Variants in PLCXD3 observed in about 807,000 individuals in gnomAD.
The protein encoded by PLCXD3 is PI-PLC X domain-containing protein 3.
Under a neutral mutation model 25.5 loss-of-function variants are expected in PLCXD3, and 19 were observed. The observed-to-expected ratio is 0.75, with a 90% CI of 0.52 to 1.09. The LOEUF is 1.09. Among genes scored for constraint, PLCXD3 ranks in the 50% least tolerant of loss-of-function variants. The pLI, the probability that PLCXD3 is intolerant of heterozygous loss-of-function variation, is 0.00. For synonymous variants in PLCXD3, 174 were observed against 137.6 expected (o/e 1.26, Z -1.85); for missense variants, 411 against 388.1 (o/e 1.06, Z -0.50).
At chr5:41,457,710 C>T (rs935095910) in intron 1 of PLCXD3, among the ~76,000 whole-genome samples, 6 of 151,842 alleles carry the variant, frequency 4.0e-5, no homozygotes, top group African/African-American at 1.5e-4. Context: ...TGAAACTTTC[C>T]CATGGGACTA....
At chr5:41,471,883 T>C (rs1351061968) in intron 1 of PLCXD3, among the ~76,000 whole-genome samples, 6 of 1,630 alleles carry the variant, frequency 3.7e-3, no homozygotes, top group Middle Eastern at 0.17. Flanking sequence ...TTCCCCTCCC[T>C]TCCCCTCCCC....
chr5:41,486,735 A>G (rs1748525632), intron 1 of PLCXD3, among the ~76,000 whole-genome samples: 2 of 152,212 alleles, frequency 1.3e-5, no homozygotes, highest in South Asian at 2.1e-4. Context: ...AGCTACGTTT[A>G]TTGACTACTA....
chr5:41,501,786 A>G (rs1748956612), intron 1 of PLCXD3, among the ~76,000 whole-genome samples: 1 of 152,154 alleles, frequency 6.6e-6, no homozygotes, highest in Non-Finnish European at 1.5e-5. Context: ...AACCACATCA[A>G]TGTTGCTGAA....
chr5:41,391,259 C>T (rs941538399), intron 1 of PLCXD3, among the ~76,000 whole-genome samples: 7 of 152,070 alleles, frequency 4.6e-5, no homozygotes, highest in Non-Finnish European at 1.5e-5. Flanking sequence ...TGTTATCACC[C>T]CTCCCCTAAC....
chr5:41,433,648 A>G (rs1747168537), intron 1 of PLCXD3, among the ~76,000 whole-genome samples: 1 of 152,150 alleles, frequency 6.6e-6, no homozygotes, highest in Non-Finnish European at 1.5e-5. Flanking sequence ...TTCTTCTATT[A>G]CTGACTCACA....
At chr5:41,373,695 T>A (rs62363775) in intron 2 of PLCXD3, among the ~76,000 whole-genome samples, 51 of 152,142 alleles carry the variant, frequency 3.4e-4, no homozygotes, top group Non-Finnish European at 6.3e-4. Context: ...CTTCTTCTTC[T>A]TCTTCTGCTT....
chr5:41,394,166 T>C (rs1363281728), intron 1 of PLCXD3, among the ~76,000 whole-genome samples: 2 of 151,452 alleles, frequency 1.3e-5, no homozygotes, highest in African/African-American at 4.9e-5. Flanking sequence ...TAAAATAGAG[T>C]TTTTATTAGT....
chr5:41,409,522 C>A (rs1746456235), intron 1 of PLCXD3, among the ~76,000 whole-genome samples: 1 of 152,188 alleles, frequency 6.6e-6, no homozygotes, highest in South Asian at 2.1e-4. Flanking sequence ...ACTCATCCAA[C>A]CCTCCCCTGC....
chr5:41,391,331 G>T (rs1006506909), intron 1 of PLCXD3, among the ~76,000 whole-genome samples: 2 of 152,280 alleles, frequency 1.3e-5, no homozygotes, highest in East Asian at 3.9e-4. Flanking sequence ...GGAAAGGGAA[G>T]AGTTGAGAGG....
intron 1 of PLCXD3, among the ~76,000 whole-genome samples, chr5:41,395,851 T>A (rs1745986489): frequency 6.6e-6 from 1 of 152,092 alleles, no homozygotes; most frequent in East Asian, 1.9e-4. Flanking sequence ...ACCTGATGGT[T>A]TCACTGCTGA....
At chr5:41,382,821 A>G (rs1452686189) in intron 1 of PLCXD3, among the ~76,000 whole-genome samples, 1 of 152,094 alleles carries the variant, frequency 6.6e-6, no homozygotes, top group African/African-American at 2.4e-5. Flanking sequence ...AATGTAATAC[A>G]CTCACTAGAA....
chr5:41,434,795 A>G (rs552076123), intron 1 of PLCXD3, among the ~76,000 whole-genome samples: 1 of 152,158 alleles, frequency 6.6e-6, no homozygotes, highest in South Asian at 2.1e-4. Context: ...GAGCCTGGTG[A>G]GAGTAGGGGT....
chr5:41,390,683 G>A (rs780907513), intron 1 of PLCXD3, among the ~76,000 whole-genome samples: 32 of 152,144 alleles, frequency 2.1e-4, no homozygotes, highest in African/African-American at 6.0e-4. Context: ...ATCGTCCTCC[G>A]TGCAAGGACA....
intron 1 of PLCXD3, among the ~76,000 whole-genome samples, chr5:41,462,975 A>T (rs1419485788): frequency 6.6e-6 from 1 of 152,002 alleles, no homozygotes; most frequent in Non-Finnish European, 1.5e-5. Context: ...AATGAAAAGT[A>T]AGAAAATGGA....
At chr5:41,333,061 T>A (rs1168575034) in intron 2 of PLCXD3, among the ~76,000 whole-genome samples, 4 of 152,068 alleles carry the variant, frequency 2.6e-5, no homozygotes, top group Non-Finnish European at 5.9e-5. Flanking sequence ...AACCTGCACA[T>A]TGTGCACATG....
chr5:41,496,627 CAAA>C (rs71608608), intron 1 of PLCXD3, among the ~76,000 whole-genome samples: 6 of 114,722 alleles, frequency 5.2e-5, no homozygotes, highest in African/African-American at 1.2e-4. Context: ...TTTCCCAGAC[CAAA>C]AAAAAAAAAA....
At chr5:41,499,564 A>G (rs563220413) in intron 1 of PLCXD3, among the ~76,000 whole-genome samples, 1 of 151,844 alleles carries the variant, frequency 6.6e-6, no homozygotes, top group South Asian at 2.1e-4. Context: ...AAATGTTACC[A>G]CTCCCCAAAG....
At chr5:41,487,401 G>A (rs1243891143) in intron 1 of PLCXD3, among the ~76,000 whole-genome samples, 1 of 152,154 alleles carries the variant, frequency 6.6e-6, no homozygotes, top group African/African-American at 2.4e-5. Flanking sequence ...CTTTGTGCAA[G>A]GGCAGAGTCT....
intron 1 of PLCXD3, among the ~76,000 whole-genome samples, chr5:41,481,209 TA>T: frequency 6.6e-6 from 1 of 152,184 alleles, no homozygotes; most frequent in Non-Finnish European, 1.5e-5. Flanking sequence ...CCTGAATATT[TA>T]GTCTCTCCAT....
Sources: allele counts gnomAD v4.1 joint callset (sites outside exome capture counted in the v4.1 genomes callset), GRCh38; gene constraint gnomAD v4.1.1; transcripts MANE v1.5; gene names NCBI Gene and HGNC (gene_info 2026-07-23, HGNC 2026-07-21).